ZNF600: variants seen among roughly 807,000 people sequenced by gnomAD.
The protein encoded by ZNF600 is zinc finger protein KR-ZNF1.
A neutral mutation model predicts 7.3 loss-of-function variants in ZNF600; 4 were observed. The observed-to-expected ratio is 0.55, with a 90% CI of 0.27 to 1.25. ZNF600 has a LOEUF of 1.25. Ranked by LOEUF, ZNF600 falls within the 50% of genes most tolerant of loss-of-function variation. ZNF600 has a pLI of 0.12. For synonymous variants in ZNF600, 290 were observed against 308.9 expected, an observed-to-expected ratio of 0.94 and a Z score of 0.64; for missense variants, 911 against 922.1, an observed-to-expected ratio of 0.99 and a Z score of 0.16.
the ZNF600 span, among the ~76,000 whole-genome samples, chr19:52,813,854 G>T: frequency 1.4e-5 from 2 of 145,896 alleles, no homozygotes; most frequent in African/African-American, 5.4e-5. Context: ...GTTTTGTTTT[G>T]TCTTCCTTTG....
chr19:52,775,239 C>A (rs976121692), intron 2 of ZNF600, among the ~76,000 whole-genome samples: 22 of 149,728 alleles, frequency 1.5e-4, no homozygotes, highest in South Asian at 4.2e-4. Context: ...CACTCCATCT[C>A]AAAAAACAAA....
At chr19:52,778,879 C>G in exon 2 of ZNF600, 1 of 1,605,126 alleles carries the variant, frequency 6.2e-7, no homozygotes, top group Non-Finnish European at 8.5e-7. Context: ...GCTGCTTCTT[C>G]ACATAACATG....
exon 4 of ZNF600, chr19:52,766,008 T>C: frequency 5.0e-6 from 8 of 1,614,190 alleles, no homozygotes; most frequent in Non-Finnish European, 6.8e-6. Context: ...AACCGTACAT[T>C]TGTAAGATTT....
chr19:52,795,079 C>T, the ZNF600 span, among the ~76,000 whole-genome samples: 1 of 152,128 alleles, frequency 6.6e-6, no homozygotes, highest in Non-Finnish European at 1.5e-5. Context: ...CAAATGTTTT[C>T]GTCATGAACA....
In ZNF600 at chr19:52,765,446, G is replaced by A. The variant is rs750470919; in HGVS notation, c.*141C>T. ...TGTAAGGTTTCTCTCCAGTATGAGT[G>A]TGTCAATGAACTGCAATGTATGAAT... On this transcript the variant is annotated 3_prime_UTR_variant, in exon 4 of 4. Coordinates refer to ENST00000648973, the Ensembl canonical transcript of ZNF600. 5.9e-4 allele frequency: 741 copies of A among 1,249,452 alleles called. 5 individuals carry two copies. Among genetic ancestry groups the A allele is most frequent in the Middle Eastern group, 1.3e-3 (7 of 5,280 alleles). 77.4% of individuals were successfully genotyped at this position (1,249,452 alleles called of 1,614,324 possible).
chr19:52,769,088 G>A (rs968802029), intron 3 of ZNF600, among the ~76,000 whole-genome samples: 4 of 152,100 alleles, frequency 2.6e-5, no homozygotes, highest in Non-Finnish European at 5.9e-5. Context: ...GAAGATGCCC[G>A]TTGCCAAGCG....
the ZNF600 span, chr19:52,799,497 A>C: frequency 1.8e-6 from 2 of 1,086,550 alleles, no homozygotes; most frequent in East Asian, 2.4e-5. Flanking sequence ...TTGATTAAAA[A>C]CCTTGCCACA....
chr19:52,809,819 CGAA>C, the ZNF600 span: 1 of 524,982 alleles, frequency 1.9e-6, no homozygotes. Flanking sequence ...GTCTGAGCGG[CGAA>C]GGCGGCGGCG....
In ZNF600 at chr19:52,766,885, G is replaced by A. The variant is rs768260436; in HGVS notation, c.1078C>T (p.Arg360Cys). The A allele has an allele frequency of 3.4e-5, 55 of 1,613,826 alleles. No homozygotes were observed. Among genetic ancestry groups the A allele is most frequent in the South Asian group, 1.8e-4 (16 of 91,080 alleles). Residue 360 changes from arginine (R) to cysteine (C), a missense_variant, in exon 4 of 4, where the codon CGT becomes TGT. By Grantham distance (180) the Arg-to-Cys change is radical. Coordinates refer to ENST00000648973, the Ensembl canonical transcript of ZNF600. The stretch of plus-strand genomic sequence containing the variant: ...TCTCCAGTATGAATTCTACGATGAC[G>A]TGCAAGGTTTGATTGCTGATTAAAA...
the ZNF600 span, chr19:52,801,462 T>C: frequency 1.2e-6 from 2 of 1,614,232 alleles, no homozygotes; most frequent in Non-Finnish European, 1.7e-6. Context: ...AGCATGCCTT[T>C]GATCATGTTG....
intron 3 of ZNF600, among the ~76,000 whole-genome samples, chr19:52,769,098 G>A (rs1212404208): frequency 2.6e-5 from 4 of 152,050 alleles, no homozygotes; most frequent in Non-Finnish European, 5.9e-5. Context: ...GTTGCCAAGC[G>A]GACCATGGTC....
chr19:52,829,065 C>T, the ZNF600 span, among the ~76,000 whole-genome samples: 3 of 152,050 alleles, frequency 2.0e-5, no homozygotes, highest in African/African-American at 7.2e-5. Flanking sequence ...GGGGTTTCAC[C>T]ATGCCAGCCA....
chr19:52,764,460 C>T (rs2062552824), downstream of ZNF600: 1 of 147,732 alleles, frequency 6.8e-6, no homozygotes, highest in African/African-American at 2.5e-5. Flanking sequence ...GATCCACTCA[C>T]ATCAGTCTAC....
chr19:52,773,382 A>G (rs796364372), intron 3 of ZNF600, among the ~76,000 whole-genome samples: 439 of 150,804 alleles, frequency 2.9e-3, no homozygotes, highest in African/African-American at 0.01. Flanking sequence ...GGTGAAAGCA[A>G]TTTTACATCT....
At chr19:52,807,659 C>G in the ZNF600 span, among the ~76,000 whole-genome samples, 2 of 152,128 alleles carry the variant, frequency 1.3e-5, no homozygotes, top group Admixed American at 6.6e-5. Context: ...ATTTTTAGTA[C>G]AGACAGGGTT....
At chr19:52,825,424 C>G in the ZNF600 span, among the ~76,000 whole-genome samples, 1 of 152,032 alleles carries the variant, frequency 6.6e-6, no homozygotes, top group Admixed American at 6.6e-5. Context: ...CATGTAATCC[C>G]AGTACTTGGG....
the ZNF600 span, among the ~76,000 whole-genome samples, chr19:52,792,173 T>C: frequency 2.6e-5 from 4 of 152,180 alleles, no homozygotes; most frequent in Admixed American, 2.6e-4. Context: ...TGGGGCCTTC[T>C]TCTCACCAGG....
In ZNF600 at chr19:52,774,558, G is replaced by A. The variant is rs1176399339; in HGVS notation, c.190+17C>T. 1.0e-6 allele frequency: 1 copy of A among 984,864 alleles called. No individual in the cohort carries two copies. The highest frequency in any genetic ancestry group is 1.2e-6 in the Non-Finnish European group (1 of 829,888). 61.0% of individuals were successfully genotyped at this position (984,864 alleles called of 1,614,324 possible). On this transcript the variant is annotated intron_variant, in intron 3 of 3. Transcript: ENST00000648973. ...AAGAGCAGACTCCTCATGTCTGGGG[G>A]ACATCATTTTCCTCACCCACAGCTT...
chr19:52,817,962 T>C, the ZNF600 span: 6 of 1,611,062 alleles, frequency 3.7e-6, no homozygotes, highest in South Asian at 4.4e-5. Context: ...GAGCCATCCC[T>C]GACTCCTTTG....
Sources: gnomAD v4.1 joint callset for allele counts (sites outside exome capture counted in the v4.1 genomes callset) on GRCh38, gnomAD v4.1.1 for gene constraint, MANE v1.5 for transcripts, NCBI Gene and HGNC (gene_info 2026-07-23, HGNC 2026-07-21) for gene names.